Variants in PPP4R2 observed in about 807,000 individuals in gnomAD.
PPP4R2 encodes protein phosphatase 4 regulatory subunit 2, also known as serine/threonine-protein phosphatase 4 regulatory subunit 2.
PPP4R2 carries 13 observed loss-of-function variants against 47.2 expected under a neutral mutation model. The ratio of observed to expected loss-of-function variants is 0.28; its 90% CI spans 0.18 to 0.44. The LOEUF (loss-of-function observed/expected upper bound fraction) is 0.44, where lower values mean the gene tolerates loss of function less well. Among genes scored for constraint, PPP4R2 ranks in the 20% least tolerant of loss-of-function variants. The pLI is 1.00. For missense variants in PPP4R2, 421 were observed against 491.2 expected, an observed-to-expected ratio of 0.86 and a Z score of 1.35; for synonymous variants, 151 against 163.3, an observed-to-expected ratio of 0.92 and a Z score of 0.57.
At chr3:73,033,251 C>T (rs1165969872) in intron 2 of PPP4R2, among the ~76,000 whole-genome samples, 1 of 152,152 alleles carries the variant, frequency 6.6e-6, no homozygotes. Context: ...ATTATTGTCT[C>T]TCTGAATTTT....
chr3:73,018,407 CGTTATGTTAT>C (rs11282207), intron 2 of PPP4R2, among the ~76,000 whole-genome samples: 23 of 96,114 alleles, frequency 2.4e-4, no homozygotes, highest in South Asian at 1.1e-3. Context: ...CTGTCATAGT[CGTTATGTTAT>C]GTTATGTTAT....
intron 2 of PPP4R2, among the ~76,000 whole-genome samples, chr3:72,998,968 A>G (rs954975453): frequency 6.6e-6 from 1 of 152,206 alleles, no homozygotes; most frequent in Non-Finnish European, 1.5e-5. Flanking sequence ...TCTGCCCAGT[A>G]TGAGTGTAGC....
chr3:73,018,411 A>ATGTTATGTTATGT (rs1334886365), intron 2 of PPP4R2, among the ~76,000 whole-genome samples: 1 of 76,154 alleles, frequency 1.3e-5, no homozygotes, highest in African/African-American at 5.4e-5. Context: ...CATAGTCGTT[A>ATGTTATGTTATGT]TGTTATGTTA....
intron 1 of PPP4R2, 61 bp from the exon 2 acceptor site, chr3:72,998,016 A>G (rs900212388): frequency 1.8e-6 from 2 of 1,142,554 alleles, no homozygotes; most frequent in African/African-American, 3.1e-5. Context: ...CTAGGAGGAA[A>G]GTTTGTTTTT....
At chr3:72,999,824 G>A (rs1352989602) in intron 2 of PPP4R2, among the ~76,000 whole-genome samples, 1 of 152,156 alleles carries the variant, frequency 6.6e-6, no homozygotes, top group Non-Finnish European at 1.5e-5. Context: ...GGTGTAGTTA[G>A]ATTCTTATAT....
At chr3:73,015,287 C>T (rs1056206906) in intron 2 of PPP4R2, among the ~76,000 whole-genome samples, 8 of 151,860 alleles carry the variant, frequency 5.3e-5, no homozygotes, top group Non-Finnish European at 1.0e-4. Flanking sequence ...TCAAGCAGTT[C>T]TCCTGCCTCA....
At chr3:73,018,239 A>G (rs1363974818) in intron 2 of PPP4R2, among the ~76,000 whole-genome samples, 1 of 152,142 alleles carries the variant, frequency 6.6e-6, no homozygotes, top group African/African-American at 2.4e-5. Context: ...TTGAAAGTAC[A>G]ATATTTGTAG....
At chr3:73,063,550 G>T (rs1312905090) in intron 5 of PPP4R2, 123 bp from the exon 6 acceptor site, 4 of 613,664 alleles carry the variant, frequency 6.5e-6, no homozygotes, top group Non-Finnish European at 1.2e-5. Context: ...CTTGAACCTG[G>T]GAAGTGGAGG....
intron 2 of PPP4R2, among the ~76,000 whole-genome samples, chr3:73,030,128 T>G (rs909648241): frequency 3.3e-5 from 5 of 152,192 alleles, no homozygotes; most frequent in African/African-American, 1.2e-4. Flanking sequence ...GAAATATCAG[T>G]GTATTTATAT....
chr3:73,038,086 C>G (rs1027380541), intron 2 of PPP4R2, among the ~76,000 whole-genome samples: 3 of 152,148 alleles, frequency 2.0e-5, no homozygotes, highest in African/African-American at 7.2e-5. Context: ...AGGGATAGAT[C>G]AGTCCCTTTT....
intron 2 of PPP4R2, chr3:73,015,105 C>CT (rs1341808914): frequency 3.9e-5 from 17 of 440,922 alleles, no homozygotes; most frequent in Non-Finnish European, 4.0e-5. Context: ...TGAGAGCACT[C>CT]TGAGATCTCA....
At chr3:73,010,599 C>T (rs1298874426) in intron 2 of PPP4R2, among the ~76,000 whole-genome samples, 1 of 151,330 alleles carries the variant, frequency 6.6e-6, no homozygotes, top group African/African-American at 2.4e-5. Flanking sequence ...CACTCTGTCT[C>T]CCAGGCTGGA....
chr3:73,035,668 AGGCTG>A, intron 2 of PPP4R2, among the ~76,000 whole-genome samples: 1 of 151,950 alleles, frequency 6.6e-6, no homozygotes, highest in Non-Finnish European at 1.5e-5. Flanking sequence ...TCTGTTGCCC[AGGCTG>A]GAGTGCAGTG....
At chr3:72,998,558 GTGTCCAGCCT>G (rs1419188277) in intron 2 of PPP4R2, among the ~76,000 whole-genome samples, 1 of 151,972 alleles carries the variant, frequency 6.6e-6, no homozygotes, top group Non-Finnish European at 1.5e-5. Context: ...ATATTGTCGT[GTGTCCAGCCT>G]TTTTTTGGTC....
At chr3:73,004,944 C>CGTGTGTGTGT (rs67945272) in intron 2 of PPP4R2, among the ~76,000 whole-genome samples, 2 of 117,044 alleles carry the variant, frequency 1.7e-5, no homozygotes, top group Non-Finnish European at 1.7e-5. Context: ...GAGTCGGAGT[C>CGTGTGTGTGT]GTGTGTGTGT....
At chr3:73,008,513 A>G (rs1701659989) in intron 2 of PPP4R2, among the ~76,000 whole-genome samples, 1 of 152,062 alleles carries the variant, frequency 6.6e-6, no homozygotes, top group African/African-American at 2.4e-5. Flanking sequence ...CTAGTTTCCT[A>G]ATTGCATGTG....
intron 5 of PPP4R2, chr3:73,062,610 CT>C: frequency 6.2e-7 from 1 of 1,613,968 alleles, no homozygotes; most frequent in Middle Eastern, 1.7e-4. Flanking sequence ...CTTTATTGCC[CT>C]TGAGAAGTCA....
intron 2 of PPP4R2, among the ~76,000 whole-genome samples, chr3:73,003,496 A>C (rs921783269): frequency 6.6e-6 from 1 of 152,020 alleles, no homozygotes; most frequent in African/African-American, 2.4e-5. Context: ...GATTACGGGC[A>C]TAGTCACTGC....
intron 2 of PPP4R2, among the ~76,000 whole-genome samples, chr3:73,016,456 A>C (rs1288283661): frequency 6.6e-6 from 1 of 152,140 alleles, no homozygotes; most frequent in Non-Finnish European, 1.5e-5. Context: ...TCTGGCCCCA[A>C]ATGTCAGTAG....
Sources: gnomAD v4.1 joint callset for allele counts (sites outside exome capture counted in the v4.1 genomes callset) on GRCh38, gnomAD v4.1.1 for gene constraint, MANE v1.5 for transcripts, NCBI Gene and HGNC (gene_info 2026-07-23, HGNC 2026-07-21) for gene names.